The following SLC30A8 variants were observed in gnomAD, a reference collection of about 807,000 sequenced individuals.
SLC30A8 encodes proton-coupled zinc antiporter SLC30A8.
SLC30A8 carries 27 observed loss-of-function variants against 36.9 expected under a neutral mutation model. The ratio of observed to expected loss-of-function variants is 0.73; its 90% CI spans 0.54 to 1.01. The LOEUF is 1.01. SLC30A8 is among the 50% of genes least tolerant of loss of function. SLC30A8 has a pLI of 0.00. For synonymous variants in SLC30A8, 164 were observed against 172.4 expected (o/e 0.95, Z 0.38); for missense variants, 439 against 452.0 (o/e 0.97, Z 0.26).
intron 1 of SLC30A8, among the ~76,000 whole-genome samples, chr8:117,025,771 G>T (rs972952550): frequency 2.0e-5 from 3 of 152,090 alleles, no homozygotes; most frequent in Admixed American, 6.5e-5. Context: ...ATCAGTACCT[G>T]CCTGAATTTC....
intron 1 of SLC30A8, among the ~76,000 whole-genome samples, chr8:117,035,654 C>G (rs1817189632): frequency 6.6e-6 from 1 of 152,236 alleles, no homozygotes; most frequent in Non-Finnish European, 1.5e-5. Flanking sequence ...CCACACATTT[C>G]CCTTTCACAC....
chr8:117,167,001 A>T (rs1418362695), intron 6 of SLC30A8, among the ~76,000 whole-genome samples: 1 of 151,994 alleles, frequency 6.6e-6, no homozygotes, highest in Non-Finnish European at 1.5e-5. Context: ...GTCTCTAAAC[A>T]TGAGAATATT....
At chr8:116,997,641 C>T (rs1254752828) in intron 1 of SLC30A8, among the ~76,000 whole-genome samples, 1 of 151,968 alleles carries the variant, frequency 6.6e-6, no homozygotes, top group Non-Finnish European at 1.5e-5. Flanking sequence ...TTATTTTAGT[C>T]AGGGTACATA....
At chr8:117,122,033 T>G (rs1252195655) in intron 2 of SLC30A8, among the ~76,000 whole-genome samples, 1 of 151,974 alleles carries the variant, frequency 6.6e-6, no homozygotes, top group African/African-American at 2.4e-5. Context: ...CTCTATGATA[T>G]GCGGAATTTA....
At chr8:117,097,542 A>T (rs1182419343) in intron 2 of SLC30A8, among the ~76,000 whole-genome samples, 1 of 111,608 alleles carries the variant, frequency 9.0e-6, no homozygotes, top group African/African-American at 3.6e-5. Flanking sequence ...TATAATATAT[A>T]ATTTTAAATA....
chr8:116,999,464 A>G (rs1815933787), intron 1 of SLC30A8, among the ~76,000 whole-genome samples: 1 of 152,178 alleles, frequency 6.6e-6, no homozygotes, highest in South Asian at 2.1e-4. Context: ...GTGCAAGAGT[A>G]TGTGGGTGTG....
chr8:117,053,122 C>T (rs1214176332), intron 2 of SLC30A8, among the ~76,000 whole-genome samples: 1 of 152,046 alleles, frequency 6.6e-6, no homozygotes, highest in African/African-American at 2.4e-5. Context: ...ATTGTGTTAG[C>T]CAGGATGGTC....
At chr8:117,172,420 GC>G in intron 7 of SLC30A8, 115 bp from the exon 8 acceptor site, 1 of 1,377,498 alleles carries the variant, frequency 7.3e-7, no homozygotes, top group East Asian at 2.3e-5. Context: ...TCCTCTGAGT[GC>G]CCTGCCTCTG....
intron 2 of SLC30A8, among the ~76,000 whole-genome samples, chr8:117,118,094 T>G (rs1820529305): frequency 6.6e-6 from 1 of 150,896 alleles, no homozygotes; most frequent in South Asian, 2.1e-4. Flanking sequence ...TCTAACTTCT[T>G]AAAGACTTAG....
chr8:117,090,743 A>C (rs1170106389), intron 2 of SLC30A8, among the ~76,000 whole-genome samples: 1 of 152,150 alleles, frequency 6.6e-6, no homozygotes, highest in African/African-American at 2.4e-5. Context: ...AGAGCCACTA[A>C]ATGCCTGGGC....
chr8:117,168,069 G>A (rs377200480), intron 6 of SLC30A8, among the ~76,000 whole-genome samples: 5 of 151,568 alleles, frequency 3.3e-5, no homozygotes, highest in African/African-American at 7.3e-5. Flanking sequence ...CCAGGAGAAC[G>A]GTATGGGGGA....
intron 2 of SLC30A8, among the ~76,000 whole-genome samples, chr8:117,062,839 C>T (rs957924765): frequency 1.3e-5 from 2 of 152,186 alleles, no homozygotes; most frequent in African/African-American, 2.4e-5. Flanking sequence ...GATCTCATTT[C>T]GGGCTTTACC....
intron 2 of SLC30A8, among the ~76,000 whole-genome samples, chr8:117,049,799 G>A (rs2130770158): frequency 6.6e-6 from 1 of 152,190 alleles, no homozygotes; most frequent in South Asian, 2.1e-4. Context: ...AGCTGCTCAC[G>A]AGAATGGCCC....
In SLC30A8 at chr8:117,032,166, T is replaced by G. The variant is rs543407824; in HGVS notation, c.-265-7053T>G. ...CTCTTTTCCTGCCATGCTTTTTTTTTTTCAGCTTCTCAGGCACAGTAAACT... is the reference window on the plus strand; with the variant it reads ...CTCTTTTCCTGCCATGCTTTTTTTTGTTCAGCTTCTCAGGCACAGTAAACT... On this transcript the variant is annotated intron_variant, in intron 1 of 10. Transcript: ENST00000427715. Among the ~76,000 whole-genome samples, 6 of 152,258 alleles carry G rather than the reference T, an allele frequency of 3.9e-5. 1 individual carries two copies. Among genetic ancestry groups the G allele is most frequent in the African/African-American group, 1.4e-4 (6 of 41,542 alleles).
intron 2 of SLC30A8, among the ~76,000 whole-genome samples, chr8:117,064,285 T>A (rs979975740): frequency 6.6e-6 from 1 of 152,140 alleles, no homozygotes. Flanking sequence ...CATGAGCCAC[T>A]GGGTCTGACC....
chr8:117,122,277 A>C (rs1483290660), intron 2 of SLC30A8, among the ~76,000 whole-genome samples: 1 of 151,958 alleles, frequency 6.6e-6, no homozygotes, highest in African/African-American at 2.4e-5. Flanking sequence ...ACATCCTTTA[A>C]TAATAGGTGA....
Position 116,988,001 on chromosome 8 carries a change from C to T in SLC30A8, c.-266+36882C>T, listed in dbSNP as rs569491234. Among the ~76,000 whole-genome samples, 12 of 152,282 alleles carry T rather than the reference C, an allele frequency of 7.9e-5. No homozygotes were observed. The South Asian group carries it at 2.5e-3, about 32-fold the overall frequency. On this transcript the variant is annotated intron_variant, in intron 1 of 10. Transcript: ENST00000427715. ...GGCATGAGCCATTAAGCCCAGCTGC[C>T]CTTAATGCTTTTATTTATTATTTTT...
chr8:117,051,066 G>A (rs1817691712), intron 2 of SLC30A8, among the ~76,000 whole-genome samples: 1 of 152,170 alleles, frequency 6.6e-6, no homozygotes, highest in Admixed American at 6.5e-5. Flanking sequence ...AGTGGTCAGA[G>A]TATAATCTAA....
chr8:117,014,746 A>G (rs971831935), intron 1 of SLC30A8, among the ~76,000 whole-genome samples: 1 of 152,106 alleles, frequency 6.6e-6, no homozygotes, highest in African/African-American at 2.4e-5. Context: ...CCCCTGGGAA[A>G]TGAGATGCAC....
Sources: gnomAD v4.1 joint callset for allele counts (sites outside exome capture counted in the v4.1 genomes callset) on GRCh38, gnomAD v4.1.1 for gene constraint, MANE v1.5 for transcripts, NCBI Gene and HGNC (gene_info 2026-07-23, HGNC 2026-07-21) for gene names.